The following WAC variants were observed in gnomAD, a reference collection of about 807,000 sequenced individuals.
WAC encodes the protein WW domain containing adaptor with coiled-coil.
In WAC, 11 loss-of-function variants were observed where a neutral mutation model predicts 79.6. The ratio of observed to expected loss-of-function variants is 0.14; its 90% CI spans 0.09 to 0.23. The LOEUF (loss-of-function observed/expected upper bound fraction) is 0.23, where lower values mean the gene tolerates loss of function less well. Ranked by LOEUF, WAC falls within the 10% of genes least tolerant of loss-of-function variation. WAC has a pLI of 1.00. For missense variants in WAC, 728 were observed against 773.5 expected, an observed-to-expected ratio of 0.94 and a Z score of 0.70; for synonymous variants, 304 against 276.9, an observed-to-expected ratio of 1.10 and a Z score of -0.97.
intron 3 of WAC, among the ~76,000 whole-genome samples, chr10:28,546,577 GAAT>G (rs1252201679): frequency 1.3e-5 from 2 of 152,050 alleles, no homozygotes; most frequent in South Asian, 2.1e-4. Flanking sequence ...TTTTTTTAAA[GAAT>G]AATGAGTTAA....
intron 3 of WAC, among the ~76,000 whole-genome samples, chr10:28,556,022 G>A (rs1837960751): frequency 6.6e-6 from 1 of 152,190 alleles, no homozygotes. Flanking sequence ...GGGAGATAGT[G>A]GAGGATGAGA....
rs9331408 is a variant in WAC at position 28,621,215 on chromosome 10, A to ATTTTTTTTTTTTTTTTTTT, written c.*1611_*1629dup. The ATTTTTTTTTTTTTTTTTTT allele has an allele frequency of 2.0e-5, 2 of 102,504 alleles. No homozygotes were observed. Among genetic ancestry groups the ATTTTTTTTTTTTTTTTTTT allele is most frequent in the African/African-American group, 3.7e-5 (1 of 27,056 alleles). The allele number at this position is 102,504 out of a possible 1,614,324, so 6.3% of individuals were successfully genotyped here. ...TAAATTGGTTTAGGGTTTTTTGGTG[A>ATTTTTTTTTTTTTTTTTTT]TTTTTTTTTTTTTTTTTTTTCTGTT... On this transcript the variant is annotated 3_prime_UTR_variant, in exon 14 of 14. Coordinates refer to ENST00000354911, the MANE Select transcript of WAC (RefSeq NM_016628.5).
At chr10:28,603,726 G>A (rs981405217) in intron 7 of WAC, among the ~76,000 whole-genome samples, 4 of 151,512 alleles carry the variant, frequency 2.6e-5, no homozygotes, top group Admixed American at 2.6e-4. Context: ...GAGGTCAGGA[G>A]ATCGAGACCA....
intron 10 of WAC, among the ~76,000 whole-genome samples, chr10:28,612,295 C>G (rs1454838527): frequency 1.3e-5 from 2 of 152,218 alleles, no homozygotes; most frequent in Non-Finnish European, 2.9e-5. Context: ...GAGGCAGTTT[C>G]TGTGCTAAGA....
chr10:28,583,927 G>GT (rs1839672939), intron 4 of WAC, among the ~76,000 whole-genome samples: 1 of 152,138 alleles, frequency 6.6e-6, no homozygotes, highest in Non-Finnish European at 1.5e-5. Context: ...GGGATATACA[G>GT]TTACCTGTCC....
chr10:28,544,556 A>G (rs1355942518), intron 3 of WAC, among the ~76,000 whole-genome samples: 3 of 152,126 alleles, frequency 2.0e-5, no homozygotes, highest in Non-Finnish European at 2.9e-5. Context: ...GCTTGCTCTT[A>G]TTTCTGTGAT....
At chr10:28,598,184 G>A (rs1564410089) in intron 7 of WAC, among the ~76,000 whole-genome samples, 1 of 152,148 alleles carries the variant, frequency 6.6e-6, no homozygotes, top group Non-Finnish European at 1.5e-5. Flanking sequence ...AACTTCTAGT[G>A]GTTTTTTAAA....
At chr10:28,533,705 C>T (rs1279982961) in intron 1 of WAC, 85 bp downstream of exon 1, 3 of 1,464,074 alleles carry the variant, frequency 2.0e-6, no homozygotes, top group African/African-American at 1.4e-5. Flanking sequence ...GCTGGCCGGG[C>T]CGCCATTTTT....
chr10:28,548,462 G>A (rs1174695513), intron 3 of WAC, among the ~76,000 whole-genome samples: 1 of 152,030 alleles, frequency 6.6e-6, no homozygotes, highest in African/African-American at 2.4e-5. Context: ...CTCCACTCTG[G>A]GGAGAATCTC....
At chr10:28,581,367 A>T (rs887107323) in intron 3 of WAC, among the ~76,000 whole-genome samples, 7 of 147,476 alleles carry the variant, frequency 4.7e-5, no homozygotes, top group South Asian at 2.2e-4. Flanking sequence ...GACTAGTGCA[A>T]GCCACTGTGC....
In WAC at chr10:28,596,037, A is replaced by G; in HGVS notation, c.915A>G (p.Arg305=). 1 of 1,613,448 alleles carries G rather than the reference A, an allele frequency of 6.2e-7. No homozygotes were observed. The highest frequency in any genetic ancestry group is 8.5e-7 in the Non-Finnish European group (1 of 1,179,672). ...TSSVPAQKTE[R]KESTSGDKPV... ...CTGTCCCTGCACAGAAAACAGAAAG[A>G]AAAGGTATGCCATTATTACTAGATG... The change falls in exon 7 of 14, where the codon AGA becomes AGG. Residue 305 remains arginine (R), a synonymous_variant. Coordinates refer to ENST00000354911, the MANE Select transcript of WAC (RefSeq NM_016628.5).
At chr10:28,584,056 A>C (rs1471410215) in intron 4 of WAC, among the ~76,000 whole-genome samples, 9 of 152,208 alleles carry the variant, frequency 5.9e-5, no homozygotes, top group Admixed American at 3.3e-4. Context: ...AATTCAGCAA[A>C]AAATTAATAA....
At chr10:28,606,268 T>C (rs533177352) in intron 7 of WAC, among the ~76,000 whole-genome samples, 2 of 152,194 alleles carry the variant, frequency 1.3e-5, no homozygotes, top group African/African-American at 4.8e-5. Flanking sequence ...CCCAGGCCGG[T>C]CTTGGAAATC....
intron 3 of WAC, among the ~76,000 whole-genome samples, chr10:28,541,019 G>A (rs1232316692): frequency 2.0e-5 from 3 of 151,994 alleles, no homozygotes; most frequent in Non-Finnish European, 2.9e-5. Context: ...TAGAGAGATG[G>A]TTATTATGTA....
At chr10:28,579,174 AT>A (rs5784074) in intron 3 of WAC, among the ~76,000 whole-genome samples, 6,592 of 143,592 alleles carry the variant, frequency 0.046, 282 homozygotes, top group African/African-American at 0.12. Context: ...GGGTAGATGA[AT>A]TTTTTTTTTT....
intron 6 of WAC, among the ~76,000 whole-genome samples, chr10:28,594,209 A>C (rs557895305): frequency 2.6e-5 from 4 of 152,218 alleles, no homozygotes; most frequent in African/African-American, 9.6e-5. Flanking sequence ...TATCATCCTT[A>C]ATTTTCATTG....
chr10:28,556,091 G>A (rs1312564851), intron 3 of WAC, among the ~76,000 whole-genome samples: 1 of 152,150 alleles, frequency 6.6e-6, no homozygotes, highest in Non-Finnish European at 1.5e-5. Flanking sequence ...CCTTTGGATA[G>A]ATATCCAGTT....
intron 3 of WAC, among the ~76,000 whole-genome samples, chr10:28,567,275 T>C (rs911737468): frequency 1.3e-5 from 2 of 151,776 alleles, no homozygotes; most frequent in Non-Finnish European, 2.9e-5. Flanking sequence ...TTATGTTGTA[T>C]ACCCCCACTT....
At chr10:28,553,683 A>G (rs1245404346) in intron 3 of WAC, among the ~76,000 whole-genome samples, 2 of 152,176 alleles carry the variant, frequency 1.3e-5, no homozygotes, top group Non-Finnish European at 2.9e-5. Context: ...TGTAAATATT[A>G]ATACAGTCAG....
Sources: gnomAD v4.1 joint callset for allele counts (sites outside exome capture counted in the v4.1 genomes callset) on GRCh38, gnomAD v4.1.1 for gene constraint, MANE v1.5 for transcripts, NCBI Gene and HGNC (gene_info 2026-07-23, HGNC 2026-07-21) for gene names.